The following EGF variants were observed in gnomAD, a reference collection of about 807,000 sequenced individuals.
The protein encoded by EGF is pro-epidermal growth factor.
EGF carries 95 observed loss-of-function variants against 143.8 expected under a neutral mutation model. The observed-to-expected ratio is 0.66, with a 90% CI of 0.56 to 0.78. The LOEUF is 0.78. Among genes scored for constraint, EGF ranks in the 30% least tolerant of loss-of-function variants. The pLI, the probability that EGF is intolerant of heterozygous loss-of-function variation, is 0.00. For synonymous variants in EGF, 510 were observed against 510.5 expected, an observed-to-expected ratio of 1.00 and a Z score of 0.01; for missense variants, 1,320 against 1,470.9, an observed-to-expected ratio of 0.90 and a Z score of 1.68.
chr4:109,987,880 T>A lies in EGF; in HGVS notation c.2608+20T>A, dbSNP rs1750369845. 6.3e-7 allele frequency: 1 copy of A among 1,579,928 alleles called. No individual in the cohort carries two copies. Among genetic ancestry groups the A allele is most frequent in the African/African-American group, 1.3e-5 (1 of 74,268 alleles). On this transcript the variant is annotated intron_variant, in intron 17 of 23. Transcript: ENST00000265171. Reference sequence around the variant, plus strand: ...GTTCTGGTAAGAGAAAAGGGCAAATTCACATATTTGGACAATACTGAACCA... The same window carrying A: ...GTTCTGGTAAGAGAAAAGGGCAAATACACATATTTGGACAATACTGAACCA...
chr4:109,939,676 C>A (rs186692412), intron 1 of EGF, among the ~76,000 whole-genome samples: 2 of 152,176 alleles, frequency 1.3e-5, no homozygotes, highest in Admixed American at 6.5e-5. Context: ...ATCTTGGAAG[C>A]GCCAACCCTC....
At chr4:109,941,223 TAGATAAATG>T in intron 2 of EGF, 78 bp downstream of exon 2, 1 of 1,322,880 alleles carries the variant, frequency 7.6e-7, no homozygotes, top group Non-Finnish European at 1.1e-6. Context: ...TCTTAATGTA[TAGATAAATG>T]AAAATTATAT....
At chr4:109,972,163 GAGA>G (rs1363877236) in intron 11 of EGF, among the ~76,000 whole-genome samples, 1 of 152,100 alleles carries the variant, frequency 6.6e-6, no homozygotes, top group African/African-American at 2.4e-5. Flanking sequence ...TGGTTAGAGA[GAGA>G]AGGACACACC....
Position 109,987,840 on chromosome 4 carries a change from G to T in EGF, c.2588G>T (p.Gly863Val), listed in dbSNP as rs747021699. The change falls in exon 17 of 24, where the codon GGG becomes GTG. Residue 863 changes from glycine to valine, a missense_variant. Around this residue, in one of 5 missense-constraint regions of EGF, gnomAD observed 1,186 missense variants for 1,313.7 expected, o/e 0.90. Coordinates refer to ENST00000265171, the MANE Select transcript of EGF (RefSeq NM_001963.6). ...TGTCAGTGTTTGAAAGGATTTGCTGGGGATGGAAAACTATGTTCTGGTAAG... is the reference window on the plus strand; with the variant it reads ...TGTCAGTGTTTGAAAGGATTTGCTGTGGATGGAAAACTATGTTCTGGTAAG... ...ATCQCLKGFA[G>V]DGKLCSDIDE... 1 of 1,613,710 alleles carries T rather than the reference G, an allele frequency of 6.2e-7. No individual in the cohort carries two copies. The highest frequency in any genetic ancestry group is 8.5e-7 in the Non-Finnish European group (1 of 1,179,712).
At chr4:109,976,263 C>A in intron 13 of EGF, 28 bp downstream of exon 13, 1 of 1,584,054 alleles carries the variant, frequency 6.3e-7, no homozygotes, top group Non-Finnish European at 8.7e-7. Flanking sequence ...GCGATTTTTT[C>A]ATCTTGACTG....
At chr4:109,932,170 G>T (rs980774665) in intron 1 of EGF, among the ~76,000 whole-genome samples, 1 of 151,368 alleles carries the variant, frequency 6.6e-6, no homozygotes, top group African/African-American at 2.4e-5. Flanking sequence ...CTATGGCTTT[G>T]TTCTATTAGT....
chr4:110,011,748 A>G lies in EGF; in HGVS notation c.*293A>G, dbSNP rs563349300. ...TGTGTTGTCTTCAGCAGTCAATACA[A>G]ATAGATTTTTGTTTTTGTTGTTCCT... On this transcript the variant is annotated 3_prime_UTR_variant, in exon 24 of 24. Coordinates refer to ENST00000265171, the MANE Select transcript of EGF (RefSeq NM_001963.6). The G allele has an allele frequency of 6.9e-6, 3 of 432,232 alleles. No homozygotes were observed. The highest frequency in any genetic ancestry group is 2.0e-5 in the African/African-American group (1 of 50,116). The allele number at this position is 432,232 out of a possible 1,614,324, so 26.8% of individuals were successfully genotyped here.
chr4:109,999,653 T>A, intron 20 of EGF, 26 bp from the exon 21 acceptor site: 5 of 1,614,206 alleles, frequency 3.1e-6, no homozygotes, highest in Non-Finnish European at 4.2e-6. Flanking sequence ...GCATCTCTGA[T>A]GACCTCTGTT....
chr4:109,971,718 T>C (rs769221452), intron 11 of EGF, among the ~76,000 whole-genome samples: 1 of 152,246 alleles, frequency 6.6e-6, no homozygotes, highest in Non-Finnish European at 1.5e-5. Flanking sequence ...GAGAGGTTTA[T>C]GGTTTGGAAA....
rs774628592 is a variant in EGF at position 109,943,879 on chromosome 4, T to C, written c.547T>C (p.Tyr183His). 6.2e-7 allele frequency: 1 copy of C among 1,614,104 alleles called. No homozygotes were observed. The highest frequency in any genetic ancestry group is 2.2e-5 in the East Asian group (1 of 44,892). ...FWSSEVAGSL[Y>H]RADLDGVGVK... ...GTCTTCAGAGGTGGCTGGAAGCCTTTATAGAGCAGATCTCGATGGTGTGGG... is the reference window on the plus strand; with the variant it reads ...GTCTTCAGAGGTGGCTGGAAGCCTTCATAGAGCAGATCTCGATGGTGTGGG... The change falls in exon 4 of 24, where the codon TAT (tyrosine) becomes CAT (histidine). Residue 183 changes from tyrosine to histidine, a missense_variant. This residue lies in a region of EGF where 1,186 missense variants were observed against 1,313.7 expected (regional missense o/e 0.90). Coordinates refer to ENST00000265171, the MANE Select transcript of EGF (RefSeq NM_001963.6).
At chr4:110,005,677 C>T (rs1179224349) in intron 22 of EGF, among the ~76,000 whole-genome samples, 3 of 152,204 alleles carry the variant, frequency 2.0e-5, no homozygotes, top group Non-Finnish European at 4.4e-5. Context: ...GCTACACATT[C>T]TTGAATCAGT....
At chr4:109,932,120 T>C (rs1374008073) in intron 1 of EGF, among the ~76,000 whole-genome samples, 1 of 151,872 alleles carries the variant, frequency 6.6e-6, no homozygotes, top group Non-Finnish European at 1.5e-5. Context: ...ATAACTACCA[T>C]TGACTAGACC....
At chr4:109,959,229 A>G in intron 5 of EGF, 83 bp from the exon 6 acceptor site, 1 of 1,595,610 alleles carries the variant, frequency 6.3e-7, no homozygotes, top group Non-Finnish European at 8.6e-7. Flanking sequence ...GGGAGGTAAG[A>G]CCTCTTAAGA....
chr4:109,998,978 T>G (rs1328297026), intron 20 of EGF, among the ~76,000 whole-genome samples: 1 of 152,194 alleles, frequency 6.6e-6, no homozygotes, highest in Admixed American at 6.5e-5. Flanking sequence ...CAGCATTGCT[T>G]CATTTACTTC....
intron 11 of EGF, among the ~76,000 whole-genome samples, chr4:109,970,633 T>C (rs551195425): frequency 9.2e-5 from 14 of 152,176 alleles, no homozygotes; most frequent in East Asian, 5.8e-4. Flanking sequence ...GAGACCATCC[T>C]GGCTAACATG....
Position 110,012,449 on chromosome 4 carries a change from G to A in EGF, c.*994G>A, listed in dbSNP as rs1414391159. ...TGTGCAATGGCACAATCATAGCTCAGTGCAGCCTCAAACTCCTGGGCTCAA... is the reference window on the plus strand; with the variant it reads ...TGTGCAATGGCACAATCATAGCTCAATGCAGCCTCAAACTCCTGGGCTCAA... On this transcript the variant is annotated 3_prime_UTR_variant, in exon 24 of 24. Coordinates refer to ENST00000265171, the MANE Select transcript of EGF (RefSeq NM_001963.6). Among the ~76,000 whole-genome samples, 3 of 151,602 alleles carry A rather than the reference G, an allele frequency of 2.0e-5. No homozygotes were observed. The highest frequency in any genetic ancestry group is 4.9e-5 in the African/African-American group (2 of 41,218).
chr4:109,932,736 T>C (rs562878449), intron 1 of EGF, among the ~76,000 whole-genome samples: 3 of 152,040 alleles, frequency 2.0e-5, no homozygotes, highest in African/African-American at 4.8e-5. Flanking sequence ...TGTCAATGCA[T>C]TAGGAAATTA....
chr4:110,004,759 C>A, intron 22 of EGF, 137 bp downstream of exon 22: 1 of 360,892 alleles, frequency 2.8e-6, no homozygotes, highest in Non-Finnish European at 5.3e-6. Context: ...GCCAAGACCA[C>A]ATCAGCTAGG....
intron 9 of EGF, among the ~76,000 whole-genome samples, chr4:109,963,648 ATATAAT>A (rs1369730520): frequency 5.3e-5 from 8 of 152,188 alleles, no homozygotes; most frequent in South Asian, 2.1e-4. Flanking sequence ...TCTCTACTGA[ATATAAT>A]TATAACACTG....
Sources: allele counts gnomAD v4.1 joint callset (sites outside exome capture counted in the v4.1 genomes callset), GRCh38; gene constraint gnomAD v4.1.1; regional missense constraint gnomAD v4.1.1; transcripts MANE v1.5; gene names NCBI Gene and HGNC (gene_info 2026-07-23, HGNC 2026-07-21).